The following CDH13 variants were observed in gnomAD, a reference collection of about 807,000 sequenced individuals.
CDH13 encodes cadherin-13.
Under a neutral mutation model 63.8 loss-of-function variants are expected in CDH13, and 24 were observed. The ratio of observed to expected loss-of-function variants is 0.38; its 90% CI spans 0.27 to 0.53. CDH13 has a LOEUF of 0.53. Ranked by LOEUF, CDH13 falls within the 20% of genes least tolerant of loss-of-function variation. The probability of loss-of-function intolerance (pLI) is 0.85; values close to 1 mark genes in which losing one functional copy is unlikely to be tolerated. For missense variants in CDH13, 1,049 were observed against 903.1 expected, an observed-to-expected ratio of 1.16 and a Z score of -2.07; for synonymous variants, 503 against 355.3, an observed-to-expected ratio of 1.42 and a Z score of -4.67.
At chr16:83,053,314 C>G (rs945716338) in intron 3 of CDH13, among the ~76,000 whole-genome samples, 2 of 152,050 alleles carry the variant, frequency 1.3e-5, no homozygotes, top group African/African-American at 4.8e-5. Context: ...GGAGGTGTCA[C>G]TAGGACTCTG....
intron 2 of CDH13, among the ~76,000 whole-genome samples, chr16:83,028,136 C>T (rs1039427755): frequency 6.6e-6 from 1 of 152,190 alleles, no homozygotes; most frequent in Non-Finnish European, 1.5e-5. Flanking sequence ...AAGTCTGGAA[C>T]CTCATGCTGG....
intron 4 of CDH13, among the ~76,000 whole-genome samples, chr16:83,155,903 C>T (rs2037187867): frequency 1.3e-5 from 2 of 152,204 alleles, no homozygotes; most frequent in African/African-American, 2.4e-5. Context: ...GCCCAAGACA[C>T]ACCCCAGATG....
chr16:83,535,948 G>A (rs2150637604), intron 7 of CDH13, among the ~76,000 whole-genome samples: 1 of 67,966 alleles, frequency 1.5e-5, no homozygotes, highest in South Asian at 5.1e-4. Flanking sequence ...AGGAAGGAAG[G>A]AAGGAAGAAA....
intron 7 of CDH13, among the ~76,000 whole-genome samples, chr16:83,503,571 G>A (rs1567718318): frequency 6.6e-6 from 1 of 152,092 alleles, no homozygotes; most frequent in African/African-American, 2.4e-5. Context: ...GGGGTGGAGT[G>A]GAGGAAAAGG....
rs78661421 is a variant in CDH13, at chr16:83,240,066, G to A, written c.636+22569G>A. 5.0e-3 allele frequency among the ~76,000 whole-genome samples: 766 copies of A among 152,274 alleles called. 3 individuals carry two copies. The highest frequency in any genetic ancestry group is 0.018 in the African/African-American group (731 of 41,536). Reference sequence around the variant, plus strand: ...GAGGATGCAGGAGGTTGGGTGCAGGGGAACTGTTGCAAATCGTAGGGCCCC... The same window carrying A: ...GAGGATGCAGGAGGTTGGGTGCAGGAGAACTGTTGCAAATCGTAGGGCCCC... On this transcript the variant is annotated intron_variant, in intron 5 of 13. Coordinates refer to ENST00000567109, the MANE Select transcript of CDH13 (RefSeq NM_001257.5).
In CDH13 at chr16:83,245,937, A is replaced by C. The variant is rs117390125; in HGVS notation, c.636+28440A>C. 1.5e-4 allele frequency among the ~76,000 whole-genome samples: 23 copies of C among 152,188 alleles called. No individual in the cohort carries two copies. In the East Asian group the frequency reaches 1.5e-3, roughly 10 times the overall value. Reference sequence around the variant, plus strand: ...TTTTTTGTAGAGACTAGGTCTTTCCATACAGCCCAGGCTGGTCTTACACTT... The same window carrying C: ...TTTTTTGTAGAGACTAGGTCTTTCCCTACAGCCCAGGCTGGTCTTACACTT... On this transcript the variant is annotated intron_variant, in intron 5 of 13. Coordinates refer to ENST00000567109, the MANE Select transcript of CDH13 (RefSeq NM_001257.5).
At chr16:83,163,542 C>T (rs1257672234) in intron 4 of CDH13, among the ~76,000 whole-genome samples, 1 of 152,158 alleles carries the variant, frequency 6.6e-6, no homozygotes, top group East Asian at 1.9e-4. Flanking sequence ...CACCCATGTC[C>T]AGCCCCGTTC....
At chr16:83,761,010 A>G (rs1913923561) in intron 11 of CDH13, among the ~76,000 whole-genome samples, 1 of 152,216 alleles carries the variant, frequency 6.6e-6, no homozygotes, top group Non-Finnish European at 1.5e-5. Flanking sequence ...CATGCTTTGC[A>G]ACGGGCAGAA....
At chr16:82,839,943 G>T (rs1245724717) in intron 1 of CDH13, among the ~76,000 whole-genome samples, 2 of 152,064 alleles carry the variant, frequency 1.3e-5, no homozygotes, top group Non-Finnish European at 2.9e-5. Context: ...ATCCAGCTTG[G>T]GTTGAAAATA....
At chr16:82,817,401 TCTAGGCCCCAGTTACCTC>T (rs1314941644) in intron 1 of CDH13, among the ~76,000 whole-genome samples, 1 of 152,132 alleles carries the variant, frequency 6.6e-6, no homozygotes, top group Admixed American at 6.5e-5. Context: ...GAATGTGTAC[TCTAGGCCCCAGTTACCTC>T]CAAGGAGAAG....
chr16:83,241,544 C>A (rs11150558), intron 5 of CDH13, among the ~76,000 whole-genome samples: 76,590 of 151,972 alleles, frequency 0.5, 20,942 homozygotes, highest in East Asian at 0.77. Flanking sequence ...TGCAGTGACA[C>A]CTCATTATGG....
chr16:83,751,804 A>G (rs1232164163), intron 11 of CDH13, among the ~76,000 whole-genome samples: 1 of 152,236 alleles, frequency 6.6e-6, no homozygotes, highest in Non-Finnish European at 1.5e-5. Context: ...TCTGGTCCAG[A>G]AATCAGGAAT....
chr16:83,494,822 C>G (rs2074098363), intron 7 of CDH13, among the ~76,000 whole-genome samples: 1 of 152,114 alleles, frequency 6.6e-6, no homozygotes, highest in African/African-American at 2.4e-5. Context: ...TTTGCTGTGC[C>G]TTTTCATAGG....
chr16:82,856,682 A>G (rs1304066646), intron 1 of CDH13, among the ~76,000 whole-genome samples: 2 of 102,460 alleles, frequency 2.0e-5, no homozygotes, highest in Non-Finnish European at 1.8e-5. Flanking sequence ...CAACATGGCA[A>G]GACTCGGTCT....
chr16:83,019,244 T>A (rs1915109946), intron 2 of CDH13, among the ~76,000 whole-genome samples: 1 of 152,194 alleles, frequency 6.6e-6, no homozygotes, highest in Non-Finnish European at 1.5e-5. Context: ...TTTCTATTTT[T>A]AAATGTTTTC....
At chr16:82,821,016 A>G (rs113551549) in intron 1 of CDH13, among the ~76,000 whole-genome samples, 2 of 152,140 alleles carry the variant, frequency 1.3e-5, no homozygotes, top group African/African-American at 4.8e-5. Flanking sequence ...TGAGGCCATC[A>G]GTTACAGCGG....
rs929375254 is a variant in CDH13, at chr16:83,796,903, C to T, written c.*1873C>T. 2.0e-5 allele frequency: 3 copies of T among 152,242 alleles called. No homozygotes were observed. The highest frequency in any genetic ancestry group is 7.2e-5 in the African/African-American group (3 of 41,458). The allele number at this position is 152,242 out of a possible 1,614,324, so 9.4% of individuals were successfully genotyped here. On this transcript the variant is annotated 3_prime_UTR_variant, in exon 14 of 14. Transcript: ENST00000567109. ...AAGCATAGTCATGGCCATCTGTCAACAGTCCCAAGACCTGGGGATTTTTCT... is the reference window on the plus strand; with the variant it reads ...AAGCATAGTCATGGCCATCTGTCAATAGTCCCAAGACCTGGGGATTTTTCT...
At chr16:83,249,238 C>T (rs1905252071) in intron 5 of CDH13, among the ~76,000 whole-genome samples, 2 of 152,138 alleles carry the variant, frequency 1.3e-5, no homozygotes, top group South Asian at 2.1e-4. Context: ...CCCTCTAACC[C>T]AGTGGTTGGC....
intron 1 of CDH13, among the ~76,000 whole-genome samples, chr16:82,846,456 C>T (rs1012465691): frequency 1.3e-5 from 2 of 152,170 alleles, no homozygotes; most frequent in African/African-American, 4.8e-5. Context: ...TGTGTTTACT[C>T]ATTGACTCAT....
Sources: allele counts gnomAD v4.1 joint callset (sites outside exome capture counted in the v4.1 genomes callset), GRCh38; gene constraint gnomAD v4.1.1; transcripts MANE v1.5; gene names NCBI Gene and HGNC (gene_info 2026-07-23, HGNC 2026-07-21).